Variants in KIRREL3 observed in about 807,000 individuals in gnomAD.
KIRREL3 encodes the protein kin of IRRE-like protein 3.
KIRREL3 carries 36 observed loss-of-function variants against 89.7 expected under a neutral mutation model. That is an observed-to-expected ratio of 0.40 (90% CI 0.31 to 0.53). KIRREL3 has a LOEUF of 0.53. KIRREL3 is among the 20% of genes least tolerant of loss of function. The probability of loss-of-function intolerance (pLI) is 0.49; values close to 1 mark genes in which losing one functional copy is unlikely to be tolerated. For missense variants in KIRREL3, 864 were observed against 1,056.6 expected (o/e 0.82, Z 2.53); for synonymous variants, 445 against 441.4 (o/e 1.01, Z -0.10).
rs1289264543 is a variant in KIRREL3 at position 126,491,833 on chromosome 11, C to T, written c.434-18367G>A. ...TCTCCTGCCTCAGCTGCCTGAGTAG[C>T]TGGGACTACAGGCGCGCACCACCAT... is the stretch of plus-strand genomic sequence containing the variant. On this transcript the variant is annotated intron_variant, in intron 4 of 16. Transcript: ENST00000525144. This position sits in a 1 kb window ranked among gnomAD's most constrained non-coding sequence, Gnocchi z 5.5. Among the ~76,000 whole-genome samples the T allele has an allele frequency of 1.3e-5, 2 of 152,070 alleles. No homozygotes were observed. Among genetic ancestry groups the T allele is most frequent in the South Asian group, 2.1e-4 (1 of 4,826 alleles).
rs1051471567 is a variant in KIRREL3 at position 126,624,199 on chromosome 11, G to T, written c.56-61287C>A. 1.3e-5 allele frequency among the ~76,000 whole-genome samples: 2 copies of T among 152,148 alleles called. No individual in the cohort carries two copies. Among genetic ancestry groups the T allele is most frequent in the African/African-American group, 2.4e-5 (1 of 41,436 alleles). ...AGAACTAGAATACAGGGAGCCAGGG[G>T]GTGGCGGTGTGGCGGGGAGGAGGCC... On this transcript the variant is annotated intron_variant, in intron 1 of 16. Coordinates refer to ENST00000525144, the MANE Select transcript of KIRREL3 (RefSeq NM_032531.4). The surrounding 1 kb of genome is among the most constrained non-coding windows in gnomAD (Gnocchi z 6.0).
chr11:126,801,875 C>A (rs1004987599), intron 1 of KIRREL3, among the ~76,000 whole-genome samples: 1 of 152,004 alleles, frequency 6.6e-6, no homozygotes, highest in Non-Finnish European at 1.5e-5. Context: ...TTCAAGGCTG[C>A]GGTGAACTCT....
rs1350645390 is a variant in KIRREL3 at position 126,427,218 on chromosome 11, C to T, written c.1807-1494G>A. On this transcript the variant is annotated intron_variant, in intron 15 of 16. Coordinates refer to ENST00000525144, the MANE Select transcript of KIRREL3 (RefSeq NM_032531.4). This position sits in a 1 kb window ranked among gnomAD's most constrained non-coding sequence, Gnocchi z 5.3. ...TCTCACATCTAGGCTGTGGTTTCCT[C>T]CCTCGTAAAACTAAACACTCCACTG... is the stretch of plus-strand genomic sequence containing the variant. 2.0e-5 allele frequency among the ~76,000 whole-genome samples: 3 copies of T among 152,188 alleles called. No individual in the cohort carries two copies. The highest frequency in any genetic ancestry group is 2.4e-5 in the African/African-American group (1 of 41,442).
At position 126,496,453 on chromosome 11, in the gene KIRREL3, C is replaced by T. The variant is rs1957658094; in HGVS notation, c.434-22987G>A. 6.6e-6 allele frequency among the ~76,000 whole-genome samples: 1 copy of T among 152,042 alleles called. No homozygotes were observed. Among genetic ancestry groups the T allele is most frequent in the Non-Finnish European group, 1.5e-5 (1 of 68,028 alleles). On this transcript the variant is annotated intron_variant, in intron 4 of 16. Transcript: ENST00000525144. This position sits in a 1 kb window ranked among gnomAD's most constrained non-coding sequence, Gnocchi z 4.9. Reference sequence around the variant, plus strand: ...GCCAGTCTTAGGGCCTAGGAATTCCCATGATAAGTTCAGTGCCTTCCCTGC... The same window carrying T: ...GCCAGTCTTAGGGCCTAGGAATTCCTATGATAAGTTCAGTGCCTTCCCTGC...
rs1249709022 is a variant in KIRREL3, at chr11:126,908,011, C to T, written c.55+92444G>A. ...TTTCTTGACCACCTGTGATGTCACA[C>T]CGCCACCCAAAAGACACCCCCCAAA... On this transcript the variant is annotated intron_variant, in intron 1 of 16. Coordinates refer to ENST00000525144, the MANE Select transcript of KIRREL3 (RefSeq NM_032531.4). This position sits in a 1 kb window ranked among gnomAD's most constrained non-coding sequence, Gnocchi z 4.2. 6.6e-6 allele frequency among the ~76,000 whole-genome samples: 1 copy of T among 152,142 alleles called. No individual in the cohort carries two copies. Among genetic ancestry groups the T allele is most frequent in the African/African-American group, 2.4e-5 (1 of 41,412 alleles).
At position 126,652,322 on chromosome 11, in the gene KIRREL3, TCTTTA is replaced by T. The variant is rs1944938898; in HGVS notation, c.56-89415_56-89411del. 6.6e-6 allele frequency among the ~76,000 whole-genome samples: 1 copy of T among 152,080 alleles called. No homozygotes were observed. Among genetic ancestry groups the T allele is most frequent in the African/African-American group, 2.4e-5 (1 of 41,396 alleles). On this transcript the variant is annotated intron_variant, in intron 1 of 16. Coordinates refer to ENST00000525144, the MANE Select transcript of KIRREL3 (RefSeq NM_032531.4). The surrounding 1 kb of genome is among the most constrained non-coding windows in gnomAD (Gnocchi z 4.9). ...GTGGGTTGATGGATATAAACCATCT[TCTTTA>T]CTTAGGGCACAAAGAAGAACCAAGA...
chr11:126,451,111 G>C (rs1956102631), intron 7 of KIRREL3, among the ~76,000 whole-genome samples: 1 of 97,840 alleles, frequency 1.0e-5, no homozygotes, highest in Non-Finnish European at 2.0e-5. Flanking sequence ...GTGCATGTGT[G>C]CATGTGTGTG....
chr11:126,657,252 A>T (rs1158076675), intron 1 of KIRREL3, among the ~76,000 whole-genome samples: 1 of 148,558 alleles, frequency 6.7e-6, no homozygotes, highest in Non-Finnish European at 1.5e-5. Flanking sequence ...AAATAATTAA[A>T]TAAATAAATA....
At chr11:126,493,239 G>A (rs1957568583) in intron 4 of KIRREL3, among the ~76,000 whole-genome samples, 1 of 152,190 alleles carries the variant, frequency 6.6e-6, no homozygotes. Context: ...AATTGGAGCT[G>A]GGCTGGGCGC....
At chr11:126,649,509 C>T (rs1816000356) in intron 1 of KIRREL3, among the ~76,000 whole-genome samples, 1 of 152,126 alleles carries the variant, frequency 6.6e-6, no homozygotes, top group South Asian at 2.1e-4. Flanking sequence ...GAGAAATTGA[C>T]CAAAACAAAG....
Position 126,521,694 on chromosome 11 carries a change from G to A in KIRREL3, c.284-230C>T, listed in dbSNP as rs368586948. Among the ~76,000 whole-genome samples the A allele has an allele frequency of 5.5e-5, 1 of 18,338 alleles. No individual in the cohort carries two copies. Among genetic ancestry groups the A allele is most frequent in the Admixed American group, 7.9e-4 (1 of 1,266 alleles). 12.0% of individuals were successfully genotyped at this position (18,338 alleles called of 152,430 possible). The stretch of plus-strand genomic sequence containing the variant: ...TCTCTGTATGTGTGTGTGTGTGTGT[G>A]TGTGTGTGTGTGTGTGTGTGTGTGT... On this transcript the variant is annotated intron_variant, in intron 3 of 16. Coordinates refer to ENST00000525144, the MANE Select transcript of KIRREL3 (RefSeq NM_032531.4). The surrounding 1 kb of genome is among the most constrained non-coding windows in gnomAD (Gnocchi z 4.1).
Position 126,641,441 on chromosome 11 carries a change from A to G in KIRREL3, c.56-78529T>C, listed in dbSNP as rs1278607784. Among the ~76,000 whole-genome samples the G allele has an allele frequency of 2.0e-5, 3 of 152,134 alleles. No homozygotes were observed. Among genetic ancestry groups the G allele is most frequent in the Non-Finnish European group, 2.9e-5 (2 of 68,022 alleles). Reference sequence around the variant, plus strand: ...CAGGGTGCAGGGTGTCATGAGTTTTACAGATTCTGGCTACAAATACCTGAG... The same window carrying G: ...CAGGGTGCAGGGTGTCATGAGTTTTGCAGATTCTGGCTACAAATACCTGAG... On this transcript the variant is annotated intron_variant, in intron 1 of 16. Coordinates refer to ENST00000525144, the MANE Select transcript of KIRREL3 (RefSeq NM_032531.4). The surrounding 1 kb of genome is among the most constrained non-coding windows in gnomAD (Gnocchi z 5.0).
chr11:126,616,669 T>C (rs1340252814), intron 1 of KIRREL3, among the ~76,000 whole-genome samples: 1 of 152,220 alleles, frequency 6.6e-6, no homozygotes, highest in Non-Finnish European at 1.5e-5. Flanking sequence ...AGAGATAAAG[T>C]CTTGCTCTGT....
At chr11:126,446,980 G>A (rs1013739653) in intron 8 of KIRREL3, 94 bp from the exon 9 acceptor site, 42 of 1,428,506 alleles carry the variant, frequency 2.9e-5, no homozygotes, top group Non-Finnish European at 3.7e-5. Flanking sequence ...GACCTTGACT[G>A]GGGGGAGGCA....
chr11:126,633,016 T>C (rs1944108690), intron 1 of KIRREL3, among the ~76,000 whole-genome samples: 1 of 151,970 alleles, frequency 6.6e-6, no homozygotes, highest in African/African-American at 2.4e-5. Context: ...CACTTGAACC[T>C]GGGAGGCAGA....
At position 126,531,041 on chromosome 11, in the gene KIRREL3, G is replaced by C. The variant is rs112679946; in HGVS notation, c.134-4354C>G. ...GACAGGGTTTCACCATATTGGCCAG[G>C]CTGGTCTCGAACTCCTGACCTCATG... On this transcript the variant is annotated intron_variant, in intron 2 of 16. Transcript: ENST00000525144. This position sits in a 1 kb window ranked among gnomAD's most constrained non-coding sequence, Gnocchi z 4.7. 0.027 allele frequency among the ~76,000 whole-genome samples: 4,048 copies of C among 152,144 alleles called. 180 individuals carry two copies. Among genetic ancestry groups the C allele is most frequent in the African/African-American group, 0.09 (3,727 of 41,472 alleles).
At position 126,724,168 on chromosome 11, in the gene KIRREL3, A is replaced by T. The variant is rs1193761299; in HGVS notation, c.56-161256T>A. Among the ~76,000 whole-genome samples, 2 of 152,182 alleles carry T rather than the reference A, an allele frequency of 1.3e-5. No homozygotes were observed. The highest frequency in any genetic ancestry group is 4.8e-5 in the African/African-American group (2 of 41,450). ...ACTTGACTTAAGAGACAATGTGGGG[A>T]AGAACATCACCCCCATTTCAACCTT... On this transcript the variant is annotated intron_variant, in intron 1 of 16. Coordinates refer to ENST00000525144, the MANE Select transcript of KIRREL3 (RefSeq NM_032531.4). The surrounding 1 kb of genome is among the most constrained non-coding windows in gnomAD (Gnocchi z 4.3).
In KIRREL3 at chr11:126,683,635, G is replaced by T. The variant is rs377742166; in HGVS notation, c.56-120723C>A. ...CAACCAATGCTCATGATTGGCCAGG[G>T]CATTGACGGCAGAATCGTAAGGATC... On this transcript the variant is annotated intron_variant, in intron 1 of 16. Coordinates refer to ENST00000525144, the MANE Select transcript of KIRREL3 (RefSeq NM_032531.4). The surrounding 1 kb of genome is among the most constrained non-coding windows in gnomAD (Gnocchi z 5.2). 1.7e-4 allele frequency among the ~76,000 whole-genome samples: 26 copies of T among 152,346 alleles called. No homozygotes were observed. The East Asian group carries it at 2.5e-3, about 15-fold the overall frequency.
rs7111981 is a variant in KIRREL3 at position 126,990,028 on chromosome 11, A to G, written c.55+10427T>C. ...TGACAACAGAAATATTGGCTCCCTG[A>G]CCCTGGAAGGGTGGAATCACTCCTT... is the stretch of plus-strand genomic sequence containing the variant. On this transcript the variant is annotated intron_variant, in intron 1 of 16. Coordinates refer to ENST00000525144, the MANE Select transcript of KIRREL3 (RefSeq NM_032531.4). This position sits in a 1 kb window ranked among gnomAD's most constrained non-coding sequence, Gnocchi z 6.3. 6.6e-6 allele frequency among the ~76,000 whole-genome samples: 1 copy of G among 152,100 alleles called. No individual in the cohort carries two copies. Among genetic ancestry groups the G allele is most frequent in the Non-Finnish European group, 1.5e-5 (1 of 68,022 alleles).
Sources: allele counts gnomAD v4.1 joint callset (sites outside exome capture counted in the v4.1 genomes callset), GRCh38; gene constraint gnomAD v4.1.1; non-coding constraint Gnocchi (gnomAD v3.1); transcripts MANE v1.5; gene names NCBI Gene and HGNC (gene_info 2026-07-23, HGNC 2026-07-21).